Variants in VSTM4 observed in about 807,000 individuals in gnomAD.
VSTM4 encodes the protein V-set and transmembrane domain containing 4.
In VSTM4, 20 loss-of-function variants were observed where a neutral mutation model predicts 36.4. The ratio of observed to expected loss-of-function variants is 0.55; its 90% CI spans 0.39 to 0.80. The LOEUF is 0.80. Among genes scored for constraint, VSTM4 ranks in the 30% least tolerant of loss-of-function variants. The probability of loss-of-function intolerance (pLI) is 0.00; values close to 1 mark genes in which losing one functional copy is unlikely to be tolerated. For missense variants in VSTM4, 392 were observed against 404.5 expected (o/e 0.97, Z 0.26); for synonymous variants, 182 against 173.9 (o/e 1.05, Z -0.37).
At chr10:49,069,112 A>G (rs1046316316) in intron 4 of VSTM4, among the ~76,000 whole-genome samples, 4 of 152,088 alleles carry the variant, frequency 2.6e-5, no homozygotes, top group African/African-American at 9.7e-5. Context: ...TCCAGCCTGA[A>G]GGCTCTGTCT....
chr10:49,105,366 C>CAG (rs147936283), intron 2 of VSTM4, among the ~76,000 whole-genome samples: 6 of 140,924 alleles, frequency 4.3e-5, no homozygotes, highest in Admixed American at 2.9e-4. Flanking sequence ...TACCAAGAGA[C>CAG]AGAGAGAGAG....
intron 3 of VSTM4, among the ~76,000 whole-genome samples, chr10:49,078,405 C>T (rs1399698491): frequency 1.3e-5 from 2 of 151,882 alleles, no homozygotes; most frequent in Admixed American, 6.6e-5. Flanking sequence ...TATCCTTCAG[C>T]AAGTGAATAG....
At chr10:49,069,079 T>C (rs978227247) in intron 4 of VSTM4, among the ~76,000 whole-genome samples, 9 of 147,360 alleles carry the variant, frequency 6.1e-5, no homozygotes, top group Non-Finnish European at 4.5e-5. Flanking sequence ...TCTCACCCCA[T>C]GGCAAACCTC....
chr10:49,097,029 T>G (rs1844585019), intron 2 of VSTM4, among the ~76,000 whole-genome samples: 1 of 152,082 alleles, frequency 6.6e-6, no homozygotes, highest in Non-Finnish European at 1.5e-5. Context: ...GGGAGGCTAA[T>G]GACTACATCA....
At chr10:49,049,282 G>A (rs1843661586) in intron 5 of VSTM4, among the ~76,000 whole-genome samples, 1 of 152,164 alleles carries the variant, frequency 6.6e-6, no homozygotes, top group African/African-American at 2.4e-5. Flanking sequence ...AAAGGGACGG[G>A]AAGATAAGCC....
intron 3 of VSTM4, among the ~76,000 whole-genome samples, chr10:49,081,977 T>C (rs553965912): frequency 4.6e-5 from 7 of 152,332 alleles, no homozygotes; most frequent in Non-Finnish European, 8.8e-5. Context: ...TGCATAAAGA[T>C]AACCACCCTG....
At chr10:49,066,267 C>A (rs370512335) in intron 4 of VSTM4, among the ~76,000 whole-genome samples, 2 of 152,114 alleles carry the variant, frequency 1.3e-5, no homozygotes, top group Admixed American at 6.5e-5. Context: ...CAGATTGAAA[C>A]GTAAATGAGA....
intron 7 of VSTM4, among the ~76,000 whole-genome samples, chr10:49,026,027 G>A (rs1351256639): frequency 6.6e-6 from 1 of 152,228 alleles, no homozygotes; most frequent in African/African-American, 2.4e-5. Context: ...GTAGAAGACA[G>A]AAAAATCCTA....
chr10:49,046,606 T>C (rs1843614876), intron 7 of VSTM4, among the ~76,000 whole-genome samples: 1 of 152,246 alleles, frequency 6.6e-6, no homozygotes, highest in Non-Finnish European at 1.5e-5. Context: ...TCTGTAAATC[T>C]AAAATTGTTC....
At chr10:49,051,057 T>A (rs557765487) in intron 5 of VSTM4, among the ~76,000 whole-genome samples, 1 of 152,302 alleles carries the variant, frequency 6.6e-6, no homozygotes, top group Non-Finnish European at 1.5e-5. Context: ...GACATCAGTA[T>A]CCCTCAAAGT....
chr10:49,033,457 A>G (rs1274681940), intron 7 of VSTM4, among the ~76,000 whole-genome samples: 2 of 152,252 alleles, frequency 1.3e-5, no homozygotes, highest in African/African-American at 4.8e-5. Flanking sequence ...ACAATTTAGA[A>G]GAATATATGC....
intron 2 of VSTM4, among the ~76,000 whole-genome samples, chr10:49,090,086 A>G (rs1416854696): frequency 6.6e-6 from 1 of 152,234 alleles, no homozygotes; most frequent in East Asian, 1.9e-4. Context: ...ATTTGGCAAG[A>G]CTAAGGAACA....
chr10:49,047,051 A>C lies in VSTM4; in HGVS notation c.776-7T>G. 6.2e-7 allele frequency: 1 copy of C among 1,614,082 alleles called. No individual in the cohort carries two copies. The highest frequency in any genetic ancestry group is 8.5e-7 in the Non-Finnish European group (1 of 1,179,982). ...AACGTGGGGGCTATCGGAGCTGTGGAAGTAGGTCAAGGGTTTAGCTTGCAG... is the reference window on the plus strand; with the variant it reads ...AACGTGGGGGCTATCGGAGCTGTGGCAGTAGGTCAAGGGTTTAGCTTGCAG... On this transcript the variant is annotated splice_region_variant and splice_polypyrimidine_tract_variant and intron_variant, in intron 6 of 7. Transcript: ENST00000332853.
At chr10:49,079,432 C>T (rs796201782) in intron 3 of VSTM4, among the ~76,000 whole-genome samples, 12 of 152,278 alleles carry the variant, frequency 7.9e-5, no homozygotes, top group African/African-American at 2.9e-4. Context: ...CAATACAATG[C>T]CAAGCTGCTC....
intron 7 of VSTM4, among the ~76,000 whole-genome samples, chr10:49,037,906 C>A (rs1414859772): frequency 2.6e-5 from 4 of 151,274 alleles, no homozygotes; most frequent in African/African-American, 9.7e-5. Context: ...CAATGAGATA[C>A]CACCTCACAC....
At chr10:49,055,960 C>T (rs1843772267) in intron 5 of VSTM4, among the ~76,000 whole-genome samples, 1 of 152,246 alleles carries the variant, frequency 6.6e-6, no homozygotes, top group South Asian at 2.1e-4. Context: ...CTCTACAACC[C>T]AAGTGAGTGC....
intron 5 of VSTM4, among the ~76,000 whole-genome samples, chr10:49,056,083 C>T (rs531372861): frequency 2.0e-5 from 3 of 152,346 alleles, no homozygotes; most frequent in South Asian, 2.1e-4. Flanking sequence ...AGAATAAATG[C>T]TACTCCTTTG....
intron 3 of VSTM4, among the ~76,000 whole-genome samples, chr10:49,084,094 A>G (rs1844328110): frequency 6.6e-6 from 1 of 152,190 alleles, no homozygotes; most frequent in African/African-American, 2.4e-5. Flanking sequence ...GCAAACATCA[A>G]TGGGGTTGCC....
intron 4 of VSTM4, among the ~76,000 whole-genome samples, chr10:49,075,506 C>T (rs900821335): frequency 3.9e-5 from 6 of 152,260 alleles, no homozygotes; most frequent in Non-Finnish European, 8.8e-5. Flanking sequence ...GAAGGAAGGC[C>T]CATGCCAAGG....
Sources: gnomAD v4.1 joint callset for allele counts (sites outside exome capture counted in the v4.1 genomes callset) on GRCh38, gnomAD v4.1.1 for gene constraint, MANE v1.5 for transcripts, NCBI Gene and HGNC (gene_info 2026-07-23, HGNC 2026-07-21) for gene names.